Variants in CFAP70 observed in about 807,000 individuals in gnomAD.
The protein encoded by CFAP70 is cilia- and flagella-associated protein 70.
In CFAP70, 81 loss-of-function variants were observed where a neutral mutation model predicts 137.6. That is an observed-to-expected ratio of 0.59 (90% CI 0.49 to 0.71). The LOEUF is 0.71. Ranked by LOEUF, CFAP70 falls within the 30% of genes least tolerant of loss-of-function variation. The probability of loss-of-function intolerance (pLI) is 0.00; values close to 1 mark genes in which losing one functional copy is unlikely to be tolerated. For synonymous variants in CFAP70, 382 were observed against 423.6 expected, an observed-to-expected ratio of 0.90 and a Z score of 1.20; for missense variants, 976 against 1,226.7, an observed-to-expected ratio of 0.80 and a Z score of 3.05.
chr10:73,340,719 C>A (rs1294422438), intron 6 of CFAP70, among the ~76,000 whole-genome samples: 2 of 152,238 alleles, frequency 1.3e-5, no homozygotes. Flanking sequence ...TGTGTCAGCA[C>A]TTCCCTGAGC....
At position 73,299,589 on chromosome 10, in the gene CFAP70, T is replaced by C; in HGVS notation, c.1317+16A>G. The C allele has an allele frequency of 6.2e-7, 1 of 1,610,396 alleles. No homozygotes were observed. The highest frequency in any genetic ancestry group is 1.7e-5 in the Admixed American group (1 of 59,934). On this transcript the variant is annotated intron_variant, in intron 13 of 26. Coordinates refer to ENST00000310715, the Ensembl canonical transcript of CFAP70. ...TATCTTATTACTTATCATTTCAACT[T>C]GGCTTTGGCACTTGCCTTCTGAGCT...
At chr10:73,356,628 A>G (rs1254847473) in intron 1 of CFAP70, among the ~76,000 whole-genome samples, 4 of 152,226 alleles carry the variant, frequency 2.6e-5, no homozygotes, top group Non-Finnish European at 5.9e-5. Flanking sequence ...GCCTCTTCTC[A>G]GCTACTCCAG....
intron 25 of CFAP70, among the ~76,000 whole-genome samples, chr10:73,260,399 AT>A (rs924780480): frequency 1.1e-4 from 16 of 150,582 alleles, no homozygotes; most frequent in Admixed American, 3.3e-4. Context: ...TAAGGAACTA[AT>A]TTTTTTTTTA....
At chr10:73,264,563 A>G (rs2045576379) in intron 25 of CFAP70, among the ~76,000 whole-genome samples, 1 of 152,188 alleles carries the variant, frequency 6.6e-6, no homozygotes, top group African/African-American at 2.4e-5. Flanking sequence ...CCCATTATCC[A>G]CAACATAATT....
chr10:73,255,728 G>A (rs572364943), intron 26 of CFAP70, among the ~76,000 whole-genome samples: 1 of 152,024 alleles, frequency 6.6e-6, no homozygotes, highest in South Asian at 2.1e-4. Context: ...TGTATTTTTA[G>A]TAGAGACGGG....
rs2053910811 is a variant in CFAP70 at position 73,348,413 on chromosome 10, C to T, written c.349+10G>A. ...TCCATTTCTGCTTTTGGGCAAAGCACACATCTGACCTTCCAGTAAGGGAAG... is the reference window on the plus strand; with the variant it reads ...TCCATTTCTGCTTTTGGGCAAAGCATACATCTGACCTTCCAGTAAGGGAAG... On this transcript the variant is annotated intron_variant, in intron 4 of 26. Transcript: ENST00000310715. 6.2e-7 allele frequency: 1 copy of T among 1,602,468 alleles called. No individual in the cohort carries two copies.
At chr10:73,362,168 T>C (rs1462604546), upstream of CFAP70, among the ~76,000 whole-genome samples, 3 of 152,148 alleles carry the variant, frequency 2.0e-5, no homozygotes, top group Non-Finnish European at 1.5e-5. Context: ...GGTAATATAG[T>C]CTTTTAAACA....
chr10:73,318,727 C>T (rs1200296823), intron 9 of CFAP70, among the ~76,000 whole-genome samples: 1 of 152,194 alleles, frequency 6.6e-6, no homozygotes, highest in Non-Finnish European at 1.5e-5. Context: ...TATCAAACCT[C>T]ATAACTTTTC....
rs115643720 is a variant in CFAP70, at chr10:73,301,837, G to A, written c.1257-2172C>T. The stretch of plus-strand genomic sequence containing the variant: ...AAAGCTTGAGGGAGGCACAGCTCAT[G>A]TATGAGCATGAACACCCAATCATCA... On this transcript the variant is annotated intron_variant, in intron 12 of 26. Coordinates refer to ENST00000310715, the Ensembl canonical transcript of CFAP70. 8.8e-3 allele frequency among the ~76,000 whole-genome samples: 1,337 copies of A among 152,284 alleles called. 32 individuals carry two copies. The highest frequency in any genetic ancestry group is 0.03 in the African/African-American group (1,249 of 41,526).
intron 3 of CFAP70, among the ~76,000 whole-genome samples, chr10:73,351,635 CT>C (rs1158957064): frequency 6.6e-6 from 1 of 151,990 alleles, no homozygotes; most frequent in Admixed American, 6.5e-5. Flanking sequence ...GTTTTGCCAT[CT>C]TGACCAGGCT....
At chr10:73,291,556 G>A in intron 18 of CFAP70, 84 bp downstream of exon 19, 1 of 1,479,146 alleles carries the variant, frequency 6.8e-7, no homozygotes, top group South Asian at 1.2e-5. Context: ...AGAACTACAT[G>A]ATGAGCCATT....
chr10:73,281,098 C>T (rs1292775054), intron 19 of CFAP70, among the ~76,000 whole-genome samples: 3 of 152,110 alleles, frequency 2.0e-5, no homozygotes, highest in Non-Finnish European at 4.4e-5. Context: ...CTTTGTTTTG[C>T]TATCATTATC....
At chr10:73,272,562 G>T (rs1466692465) in intron 24 of CFAP70, among the ~76,000 whole-genome samples, 1 of 152,094 alleles carries the variant, frequency 6.6e-6, no homozygotes, top group Non-Finnish European at 1.5e-5. Context: ...ATATCAAAGG[G>T]TCACAGTGCT....
At chr10:73,362,213 G>C (rs2055037766), upstream of CFAP70, among the ~76,000 whole-genome samples, 1 of 152,092 alleles carries the variant, frequency 6.6e-6, no homozygotes, top group Admixed American at 6.6e-5. Context: ...CACATGCAAA[G>C]AATGAAGTTG....
chr10:73,278,436 C>T, intron 19 of CFAP70, 99 bp from the exon 21 acceptor site: 1 of 919,284 alleles, frequency 1.1e-6, no homozygotes. Context: ...GAAACATATT[C>T]CCTAAATATT....
intron 16 of CFAP70, among the ~76,000 whole-genome samples, chr10:73,292,709 A>G (rs1289604061): frequency 3.3e-5 from 5 of 152,182 alleles, no homozygotes; most frequent in African/African-American, 9.7e-5. Context: ...AGAGTGCTTT[A>G]TATTCTGGAT....
At chr10:73,339,547 G>A (rs2053049133) in intron 6 of CFAP70, among the ~76,000 whole-genome samples, 1 of 152,154 alleles carries the variant, frequency 6.6e-6, no homozygotes, top group Admixed American at 6.5e-5. Flanking sequence ...TGCTAGGCTT[G>A]CACTACTGGC....
chr10:73,288,175 G>A (rs2047891172), intron 19 of CFAP70, among the ~76,000 whole-genome samples: 1 of 152,128 alleles, frequency 6.6e-6, no homozygotes, highest in Non-Finnish European at 1.5e-5. Context: ...GGGATTACAG[G>A]TGTGAGCCAC....
intron 14 of CFAP70, 25 bp downstream of exon 15, chr10:73,298,882 G>A: frequency 6.2e-7 from 1 of 1,605,196 alleles, no homozygotes; most frequent in Non-Finnish European, 8.5e-7. Flanking sequence ...CACCCATGGA[G>A]TAATTAAACA....
Sources: allele counts gnomAD v4.1 joint callset (sites outside exome capture counted in the v4.1 genomes callset), GRCh38; gene constraint gnomAD v4.1.1; transcripts MANE v1.5; gene names NCBI Gene and HGNC (gene_info 2026-07-23, HGNC 2026-07-21).